The following PRIM2 variants were observed in gnomAD, a reference collection of about 807,000 sequenced individuals.
PRIM2 encodes the protein DNA primase subunit 2.
A neutral mutation model predicts 67.3 loss-of-function variants in PRIM2; 39 were observed. The observed-to-expected ratio is 0.58, with a 90% CI of 0.45 to 0.76. The LOEUF is 0.76. PRIM2 is among the 30% of genes least tolerant of loss of function. The probability of loss-of-function intolerance (pLI) is 0.00; values close to 1 mark genes in which losing one functional copy is unlikely to be tolerated. For missense variants in PRIM2, 398 were observed against 598.7 expected, an observed-to-expected ratio of 0.66 and a Z score of 3.50; for synonymous variants, 143 against 198.7, an observed-to-expected ratio of 0.72 and a Z score of 2.36.
intron 5 of PRIM2, among the ~76,000 whole-genome samples, chr6:57,367,033 G>A (rs1308198353): frequency 6.6e-6 from 1 of 151,456 alleles, no homozygotes; most frequent in Admixed American, 6.6e-5. Flanking sequence ...TATTCCAAAT[G>A]TGCCTATGCT....
intron 13 of PRIM2, among the ~76,000 whole-genome samples, chr6:57,639,755 A>G (rs1279525715): frequency 6.6e-6 from 1 of 151,710 alleles, no homozygotes; most frequent in African/African-American, 2.4e-5. Context: ...ATCAACCAAA[A>G]AAAAAAAGCC....
chr6:57,258,238 T>G, the PRIM2 span, among the ~76,000 whole-genome samples: 7,046 of 152,212 alleles, frequency 0.046, 536 homozygotes, highest in African/African-American at 0.16. Flanking sequence ...GTGAAGATTT[T>G]CAGTCGCAAC....
At chr6:57,494,882 A>T (rs1773971034) in intron 7 of PRIM2, among the ~76,000 whole-genome samples, 1 of 152,222 alleles carries the variant, frequency 6.6e-6, no homozygotes, top group African/African-American at 2.4e-5. Context: ...CTGAGGTGAA[A>T]ATTCCAATTG....
intron 12 of PRIM2, among the ~76,000 whole-genome samples, chr6:57,609,232 C>T (rs1446968440): frequency 6.6e-6 from 1 of 152,020 alleles, no homozygotes; most frequent in Non-Finnish European, 1.5e-5. Context: ...GGAGGAAGGA[C>T]GATATGTACT....
At chr6:57,465,826 T>G (rs1773166110) in intron 7 of PRIM2, among the ~76,000 whole-genome samples, 3 of 151,170 alleles carry the variant, frequency 2.0e-5, no homozygotes, top group African/African-American at 2.5e-5. Context: ...TGATTCTTTT[T>G]TTTTATAATT....
intron 8 of PRIM2, among the ~76,000 whole-genome samples, chr6:57,510,524 T>A (rs1422326692): frequency 6.6e-6 from 1 of 152,198 alleles, no homozygotes; most frequent in Non-Finnish European, 1.5e-5. Context: ...CCTTGAAAGT[T>A]GCACAAACTG....
the PRIM2 span, among the ~76,000 whole-genome samples, chr6:57,294,411 G>C: frequency 6.6e-6 from 1 of 152,116 alleles, no homozygotes; most frequent in Non-Finnish European, 1.5e-5. Context: ...AACCCAGGAG[G>C]TGGAGGTTGC....
chr6:57,434,333 C>A (rs117289154), intron 7 of PRIM2, among the ~76,000 whole-genome samples: 1 of 151,828 alleles, frequency 6.6e-6, no homozygotes, highest in Non-Finnish European at 1.5e-5. Context: ...TACTGATAAC[C>A]ATGTTATCAG....
At chr6:57,447,093 G>T (rs72873600) in intron 7 of PRIM2, among the ~76,000 whole-genome samples, 1 of 152,184 alleles carries the variant, frequency 6.6e-6, no homozygotes, top group African/African-American at 2.4e-5. Context: ...GTGCCACCAG[G>T]CAATTGCTTA....
chr6:57,330,380 TTTG>T (rs1190427761), intron 5 of PRIM2, among the ~76,000 whole-genome samples: 1 of 114,704 alleles, frequency 8.7e-6, no homozygotes, highest in African/African-American at 3.7e-5. Flanking sequence ...TTTTTGTTTT[TTTG>T]TTTTTTTTTT....
intron 10 of PRIM2, among the ~76,000 whole-genome samples, chr6:57,557,704 C>A (rs1214774095): frequency 2.0e-5 from 3 of 151,586 alleles, no homozygotes; most frequent in African/African-American, 7.3e-5. Context: ...AATATCTATA[C>A]ACCAAACTGC....
At chr6:57,362,725 T>C (rs1238824937) in intron 5 of PRIM2, among the ~76,000 whole-genome samples, 1 of 151,882 alleles carries the variant, frequency 6.6e-6, no homozygotes, top group African/African-American at 2.4e-5. Flanking sequence ...TCAAAGAAGA[T>C]TGAGTTTGAG....
At chr6:57,248,307 C>A in the PRIM2 span, among the ~76,000 whole-genome samples, 1 of 152,146 alleles carries the variant, frequency 6.6e-6, no homozygotes, top group Non-Finnish European at 1.5e-5. Flanking sequence ...ATAAATCACA[C>A]CTATTAACTT....
intron 5 of PRIM2, among the ~76,000 whole-genome samples, chr6:57,337,333 T>G (rs1313053324): frequency 6.6e-6 from 1 of 151,966 alleles, no homozygotes; most frequent in African/African-American, 2.4e-5. Flanking sequence ...TACCCAGGAA[T>G]TGAACTCAGC....
intron 10 of PRIM2, among the ~76,000 whole-genome samples, chr6:57,580,206 A>G (rs1349886424): frequency 1.3e-5 from 2 of 152,094 alleles, no homozygotes; most frequent in East Asian, 3.9e-4. Flanking sequence ...CAGGAATTTG[A>G]GACCTGCCCC....
intron 13 of PRIM2, among the ~76,000 whole-genome samples, chr6:57,643,459 A>G (rs1467998104): frequency 2.0e-5 from 3 of 152,208 alleles, no homozygotes; most frequent in East Asian, 1.9e-4. Flanking sequence ...TAAACCATCT[A>G]TTCTCCTTAG....
intron 7 of PRIM2, among the ~76,000 whole-genome samples, chr6:57,408,880 T>C (rs1770990346): frequency 6.6e-6 from 1 of 152,134 alleles, no homozygotes; most frequent in South Asian, 2.1e-4. Flanking sequence ...CTGGCTAATT[T>C]GTAAAATTTT....
intron 7 of PRIM2, among the ~76,000 whole-genome samples, chr6:57,452,188 G>A (rs1302377633): frequency 6.6e-6 from 1 of 152,098 alleles, no homozygotes; most frequent in African/African-American, 2.4e-5. Context: ...TATCATTGAT[G>A]GACATTTGGG....
chr6:57,318,717 GAGGT>G, intron 2 of PRIM2, 118 bp downstream of exon 2: 3 of 825,700 alleles, frequency 3.6e-6, no homozygotes, highest in Non-Finnish European at 5.6e-6. Flanking sequence ...AGTATTTATT[GAGGT>G]AATTCATATC....
Sources: gnomAD v4.1 joint callset for allele counts (sites outside exome capture counted in the v4.1 genomes callset) on GRCh38, gnomAD v4.1.1 for gene constraint, MANE v1.5 for transcripts, NCBI Gene and HGNC (gene_info 2026-07-23, HGNC 2026-07-21) for gene names.